ITGA8: variants seen among roughly 807,000 people sequenced by gnomAD.
The protein encoded by ITGA8 is integrin alpha-8.
ITGA8 carries 91 observed loss-of-function variants against 142.3 expected under a neutral mutation model. That is an observed-to-expected ratio of 0.64 (90% CI 0.54 to 0.76). The LOEUF (loss-of-function observed/expected upper bound fraction) is 0.76, where lower values mean the gene tolerates loss of function less well. Ranked by LOEUF, ITGA8 falls within the 30% of genes least tolerant of loss-of-function variation. The pLI is 0.00. For synonymous variants in ITGA8, 505 were observed against 485.2 expected, an observed-to-expected ratio of 1.04 and a Z score of -0.54; for missense variants, 1,406 against 1,327.7, an observed-to-expected ratio of 1.06 and a Z score of -0.92.
At chr10:15,666,228 C>T (rs1834389458) in intron 8 of ITGA8, among the ~76,000 whole-genome samples, 1 of 152,158 alleles carries the variant, frequency 6.6e-6, no homozygotes, top group East Asian at 1.9e-4. Flanking sequence ...TGAAGAGGTC[C>T]TTCACATCCC....
chr10:15,626,245 CT>C, intron 13 of ITGA8, among the ~76,000 whole-genome samples: 1 of 152,148 alleles, frequency 6.6e-6, no homozygotes, highest in South Asian at 2.1e-4. Flanking sequence ...TTTTCTTTCT[CT>C]TTTTTGGAGA....
intron 23 of ITGA8, among the ~76,000 whole-genome samples, chr10:15,579,283 G>A (rs185728545): frequency 1.3e-5 from 2 of 152,120 alleles, no homozygotes; most frequent in Non-Finnish European, 2.9e-5. Flanking sequence ...AGCTGCTTTC[G>A]TATGAGAAAC....
chr10:15,603,876 A>C (rs112306749), intron 20 of ITGA8, among the ~76,000 whole-genome samples: 3 of 152,312 alleles, frequency 2.0e-5, no homozygotes, highest in African/African-American at 7.2e-5. Flanking sequence ...GTGCAAGGCT[A>C]GAAAAGTCAG....
intron 15 of ITGA8, chr10:15,611,548 G>A (rs12784596): frequency 0.25 from 36,143 of 145,582 alleles, 5,287 homozygotes; most frequent in Non-Finnish European, 0.33. Context: ...CTGGAGTGCA[G>A]TGGTGCGATC....
chr10:15,571,414 A>G (rs980460320), intron 25 of ITGA8, among the ~76,000 whole-genome samples: 1 of 152,222 alleles, frequency 6.6e-6, no homozygotes, highest in Admixed American at 6.5e-5. Flanking sequence ...ACAATATCTG[A>G]CTACAAGATG....
intron 2 of ITGA8, among the ~76,000 whole-genome samples, chr10:15,696,090 G>T (rs1181263580): frequency 6.6e-6 from 1 of 152,182 alleles, no homozygotes; most frequent in African/African-American, 2.4e-5. Flanking sequence ...ATGGGACAAC[G>T]CATTTAGGGT....
chr10:15,657,942 T>A (rs762742128), intron 10 of ITGA8, among the ~76,000 whole-genome samples: 8 of 152,188 alleles, frequency 5.3e-5, no homozygotes, highest in Non-Finnish European at 1.2e-4. Flanking sequence ...TAGTTTATGA[T>A]CATCATAAGC....
intron 2 of ITGA8, among the ~76,000 whole-genome samples, chr10:15,708,347 T>C: frequency 6.6e-6 from 1 of 152,134 alleles, no homozygotes; most frequent in East Asian, 1.9e-4. Flanking sequence ...AAAGAATGGA[T>C]AATCTATCAC....
chr10:15,670,236 G>T (rs138091226), intron 8 of ITGA8, among the ~76,000 whole-genome samples: 28 of 152,332 alleles, frequency 1.8e-4, no homozygotes, highest in African/African-American at 6.0e-4. Context: ...ACTGATTGAT[G>T]ATTGACTCAT....
At chr10:15,566,471 T>A (rs1363139153) in intron 25 of ITGA8, among the ~76,000 whole-genome samples, 1 of 152,146 alleles carries the variant, frequency 6.6e-6, no homozygotes, top group Non-Finnish European at 1.5e-5. Flanking sequence ...GCCTTTTCCC[T>A]CTGCATCTCA....
intron 27 of ITGA8, among the ~76,000 whole-genome samples, chr10:15,531,357 T>A (rs1362289076): frequency 6.6e-6 from 1 of 152,094 alleles, no homozygotes; most frequent in African/African-American, 2.4e-5. Flanking sequence ...CATCCATCCA[T>A]CTAAGCGTCG....
chr10:15,619,585 C>T (rs1021947722), intron 13 of ITGA8, among the ~76,000 whole-genome samples: 7 of 152,074 alleles, frequency 4.6e-5, no homozygotes, highest in Non-Finnish European at 1.0e-4. Context: ...AGCCAGATGC[C>T]GAAGTTTCTA....
chr10:15,520,206 G>A (rs1174819741), intron 28 of ITGA8, among the ~76,000 whole-genome samples: 3 of 152,234 alleles, frequency 2.0e-5, no homozygotes, highest in South Asian at 2.1e-4. Flanking sequence ...GAGCTCAGGA[G>A]GTCGAGACCA....
intron 2 of ITGA8, 75 bp downstream of exon 2, chr10:15,718,691 C>A (rs1835498845): frequency 1.9e-6 from 3 of 1,568,380 alleles, no homozygotes; most frequent in Non-Finnish European, 2.6e-6. Context: ...ACCAAGACAG[C>A]GGGAAGTCGC....
chr10:15,657,355 C>T (rs1834203233), intron 10 of ITGA8, among the ~76,000 whole-genome samples: 1 of 152,134 alleles, frequency 6.6e-6, no homozygotes, highest in Non-Finnish European at 1.5e-5. Context: ...TCATCTCAGT[C>T]TTATTTCTCC....
At chr10:15,711,191 T>C (rs1253589356) in intron 2 of ITGA8, among the ~76,000 whole-genome samples, 1 of 152,232 alleles carries the variant, frequency 6.6e-6, no homozygotes, top group Non-Finnish European at 1.5e-5. Context: ...GTGTTTGCAT[T>C]CACACTCTTC....
intron 23 of ITGA8, among the ~76,000 whole-genome samples, chr10:15,582,359 A>C (rs765346145): frequency 2.0e-5 from 3 of 152,234 alleles, no homozygotes; most frequent in Non-Finnish European, 4.4e-5. Flanking sequence ...AAGAAAATAC[A>C]GGTGAAAATC....
chr10:15,641,831 C>T (rs1833876868), intron 13 of ITGA8, among the ~76,000 whole-genome samples: 1 of 152,144 alleles, frequency 6.6e-6, no homozygotes, highest in Non-Finnish European at 1.5e-5. Context: ...AAGAAAAAGA[C>T]ATAATTAAGA....
chr10:15,617,346 G>A (rs937188938), intron 13 of ITGA8, among the ~76,000 whole-genome samples: 2 of 152,084 alleles, frequency 1.3e-5, no homozygotes, highest in Admixed American at 6.6e-5. Flanking sequence ...CTAGGTAAGG[G>A]GGAATGGTCA....
Sources: gnomAD v4.1 joint callset for allele counts (sites outside exome capture counted in the v4.1 genomes callset) on GRCh38, gnomAD v4.1.1 for gene constraint, MANE v1.5 for transcripts, NCBI Gene and HGNC (gene_info 2026-07-23, HGNC 2026-07-21) for gene names.